CCN4: variants seen among roughly 807,000 people sequenced by gnomAD.
The protein encoded by CCN4 is CCN family member 4.
A neutral mutation model predicts 36.7 loss-of-function variants in CCN4; 30 were observed. The ratio of observed to expected loss-of-function variants is 0.82; its 90% CI spans 0.61 to 1.11. The LOEUF (loss-of-function observed/expected upper bound fraction) is 1.11. CCN4 is among the 50% of genes least tolerant of loss of function. CCN4 has a pLI of 0.00. For synonymous variants in CCN4, 191 were observed against 195.4 expected (o/e 0.98, Z 0.19); for missense variants, 505 against 504.9 (o/e 1.00, Z 0.00).
intron 1 of CCN4, among the ~76,000 whole-genome samples, chr8:133,193,683 A>C (rs951626748): frequency 4.6e-5 from 7 of 152,210 alleles, no homozygotes; most frequent in Non-Finnish European, 1.0e-4. Flanking sequence ...TAGCAAGTGC[A>C]ATTATCCTCC....
In CCN4 at chr8:133,230,732, G is replaced by A. The variant is rs1854928780; in HGVS notation, c.*3022G>A. On this transcript the variant is annotated 3_prime_UTR_variant, in exon 5 of 5. Coordinates refer to ENST00000250160, the MANE Select transcript of CCN4 (RefSeq NM_003882.4). ...GAATTACTCAGGTGTGCTTAGGTGT[G>A]CAAAAGGGAAGGAGACCTGAATTCA... 6.6e-6 allele frequency: 1 copy of A among 152,240 alleles called. No homozygotes were observed. The allele number at this position is 152,240 out of a possible 1,614,324, so 9.4% of individuals were successfully genotyped here.
chr8:133,202,956 C>T (rs565490748), intron 1 of CCN4, among the ~76,000 whole-genome samples: 1 of 152,382 alleles, frequency 6.6e-6, no homozygotes, highest in East Asian at 1.9e-4. Flanking sequence ...CTCACGGTCC[C>T]CAGGGCTTCT....
intron 1 of CCN4, among the ~76,000 whole-genome samples, chr8:133,203,923 C>T (rs947847937): frequency 6.6e-6 from 1 of 152,250 alleles, no homozygotes. Context: ...CTTACCTCTT[C>T]CCAAGTCCAC....
At chr8:133,219,463 T>C (rs546961724) in intron 2 of CCN4, among the ~76,000 whole-genome samples, 1 of 152,326 alleles carries the variant, frequency 6.6e-6, no homozygotes, top group South Asian at 2.1e-4. Context: ...CCACCTGATT[T>C]AACCCTATTC....
intron 4 of CCN4, among the ~76,000 whole-genome samples, chr8:133,227,208 T>G (rs1019603675): frequency 6.6e-6 from 1 of 152,202 alleles, no homozygotes; most frequent in African/African-American, 2.4e-5. Flanking sequence ...CATTTTTCTC[T>G]GTGGTCCTCC....
Position 133,191,110 on chromosome 8 carries a change from T to C in CCN4, c.-35T>C, listed in dbSNP as rs1158485248. 6.2e-7 allele frequency: 1 copy of C among 1,603,052 alleles called. No homozygotes were observed. The highest frequency in any genetic ancestry group is 1.3e-5 in the African/African-American group (1 of 74,832). On this transcript the variant is annotated 5_prime_UTR_variant, in exon 1 of 5. Coordinates refer to ENST00000250160, the MANE Select transcript of CCN4 (RefSeq NM_003882.4). ...CGAGAGGTGGTCGGATCCTCTGGGC[T>C]GCTCGGTCGATGCCTGTGCCACTGA...
Position 133,225,353 on chromosome 8 carries a change from G to C in CCN4, c.611-37G>C, listed in dbSNP as rs200297189. On this transcript the variant is annotated intron_variant, in intron 3 of 4. Transcript: ENST00000250160. ...AAGTGAGGGTTGGGGGCTGGTGGGA[G>C]CTGTAGATTCATGCAGATTCTGTTC... 4 of 1,539,838 alleles carry C rather than the reference G, an allele frequency of 2.6e-6. No homozygotes were observed. The South Asian group carries it at 5.0e-5, about 19-fold the overall frequency.
At chr8:133,222,397 T>G (rs1026844156) in intron 3 of CCN4, among the ~76,000 whole-genome samples, 26 of 152,074 alleles carry the variant, frequency 1.7e-4, no homozygotes, top group African/African-American at 6.3e-4. Context: ...CTACTCTGTT[T>G]GAAACAGACT....
At chr8:133,226,538 C>T (rs1047626187) in intron 4 of CCN4, among the ~76,000 whole-genome samples, 1 of 152,136 alleles carries the variant, frequency 6.6e-6, no homozygotes, top group Non-Finnish European at 1.5e-5. Flanking sequence ...GCTTGGTATA[C>T]AGTAAGCATT....
chr8:133,203,963 T>C (rs1341987934), intron 1 of CCN4, among the ~76,000 whole-genome samples: 1 of 152,230 alleles, frequency 6.6e-6, no homozygotes, highest in Non-Finnish European at 1.5e-5. Flanking sequence ...ACCATAATAA[T>C]CAGTTACCAC....
At chr8:133,208,964 C>T (rs1490470092) in intron 1 of CCN4, among the ~76,000 whole-genome samples, 2 of 152,208 alleles carry the variant, frequency 1.3e-5, no homozygotes, top group African/African-American at 2.4e-5. Context: ...CACTGAATTG[C>T]AATCATTATT....
chr8:133,211,835 C>G lies in CCN4; in HGVS notation c.70-1029C>G, dbSNP rs75761561. Among the ~76,000 whole-genome samples, 1,044 of 152,300 alleles carry G rather than the reference C, an allele frequency of 6.9e-3. 12 individuals carry two copies. The highest frequency in any genetic ancestry group is 0.024 in the African/African-American group (1,002 of 41,558). ...CCGTCCCCGCTCCTGTGTCCTCAGG[C>G]GATTCTCTTCCTCTTGCAGGCCCAG... On this transcript the variant is annotated intron_variant, in intron 1 of 4. Coordinates refer to ENST00000250160, the MANE Select transcript of CCN4 (RefSeq NM_003882.4).
chr8:133,203,048 C>T (rs2130547553), intron 1 of CCN4, among the ~76,000 whole-genome samples: 1 of 152,364 alleles, frequency 6.6e-6, no homozygotes, highest in African/African-American at 2.4e-5. Flanking sequence ...CTAGGGCCGG[C>T]TCCGGCCATT....
At position 133,230,197 on chromosome 8, in the gene CCN4, G is replaced by A. The variant is rs550033135; in HGVS notation, c.*2487G>A. 1 of 152,246 alleles carries A rather than the reference G, an allele frequency of 6.6e-6. No individual in the cohort carries two copies. The highest frequency in any genetic ancestry group is 2.4e-5 in the African/African-American group (1 of 41,464). 9.4% of individuals were successfully genotyped at this position (152,246 alleles called of 1,614,324 possible). A position where few individuals can be genotyped will look rare whatever the true frequency, so the allele number is the denominator to read the frequency against. ...AACGGAACTATCTTATGCAGAGCCC[G>A]GAGGGCAAGTCTCAGACCCATGGGT... On this transcript the variant is annotated 3_prime_UTR_variant, in exon 5 of 5. Coordinates refer to ENST00000250160, the MANE Select transcript of CCN4 (RefSeq NM_003882.4).
rs1450071930 is a variant in CCN4, at chr8:133,227,966, T to C, written c.*256T>C. The C allele has an allele frequency of 2.5e-6, 1 of 399,990 alleles. No individual in the cohort carries two copies. The highest frequency in any genetic ancestry group is 4.4e-6 in the Non-Finnish European group (1 of 224,804). The allele number at this position is 399,990 out of a possible 1,614,324, so 24.8% of individuals were successfully genotyped here. ...AGCTGTTCTGGACTACACCCAAGCCTGATCCAGCCTTTCCAAGTCACTAGA... is the reference window on the plus strand; with the variant it reads ...AGCTGTTCTGGACTACACCCAAGCCCGATCCAGCCTTTCCAAGTCACTAGA... On this transcript the variant is annotated 3_prime_UTR_variant, in exon 5 of 5. Transcript: ENST00000250160.
chr8:133,225,688 T>C (rs1317780283), intron 4 of CCN4, 105 bp downstream of exon 4: 1 of 1,194,052 alleles, frequency 8.4e-7, no homozygotes, highest in Non-Finnish European at 1.1e-6. Flanking sequence ...AAAGTGGGAA[T>C]AGTTAAGCTC....
At chr8:133,226,528 G>A (rs754958) in intron 4 of CCN4, among the ~76,000 whole-genome samples, 117,688 of 151,998 alleles carry the variant, frequency 0.77, 45,879 homozygotes, top group Middle Eastern at 0.88. Context: ...TATTTTCTGC[G>A]CTTGGTATAC....
Position 133,212,873 on chromosome 8 carries a change from C to A in CCN4, c.79C>A (p.Pro27Thr). ...TGCCCTCCCCCCGCAGGCCCTCTCT[C>A]CAGCCCCTACGACCATGGACTTTAC... ...ASTVLATALS[P>T]APTTMDFTPA... The change falls in exon 2 of 5, where the codon CCA (proline) becomes ACA (threonine). Residue 27 changes from proline to threonine, a missense_variant. Physicochemically the swap from Pro to Thr is conservative, Grantham distance 38 (BLOSUM62 -1). Transcript: ENST00000250160. 2 of 1,591,376 alleles carry A rather than the reference C, an allele frequency of 1.3e-6. No individual in the cohort carries two copies. The highest frequency in any genetic ancestry group is 1.7e-6 in the Non-Finnish European group (2 of 1,163,604).
intron 1 of CCN4, among the ~76,000 whole-genome samples, chr8:133,203,297 A>AG (rs1853655697): frequency 6.6e-6 from 1 of 152,150 alleles, no homozygotes; most frequent in Non-Finnish European, 1.5e-5. Context: ...CTATCTTCCC[A>AG]GGGGGTGAGG....
Sources: allele counts gnomAD v4.1 joint callset (sites outside exome capture counted in the v4.1 genomes callset), GRCh38; gene constraint gnomAD v4.1.1; transcripts MANE v1.5; gene names NCBI Gene and HGNC (gene_info 2026-07-23, HGNC 2026-07-21).